The following TXNDC8 variants were observed in gnomAD, a reference collection of about 807,000 sequenced individuals.
TXNDC8 encodes thioredoxin domain-containing protein 8.
Under a neutral mutation model 12.9 loss-of-function variants are expected in TXNDC8, and 15 were observed. The ratio of observed to expected loss-of-function variants is 1.16; its 90% confidence interval spans 0.78 to 1.79. TXNDC8 has a LOEUF of 1.79. Among genes scored for constraint, TXNDC8 ranks in the 40% most tolerant of loss-of-function variants. The probability of loss-of-function intolerance (pLI) is 0.00; values close to 1 mark genes in which losing one functional copy is unlikely to be tolerated. For synonymous variants in TXNDC8, 40 were observed against 35.4 expected (o/e 1.13, Z -0.46); for missense variants, 128 against 113.2 (o/e 1.13, Z -0.59).
chr9:110,323,860 AAGG>A (rs1246495623), intron 3 of TXNDC8: 1 of 1,549,466 alleles, frequency 6.5e-7, no homozygotes, highest in Admixed American at 2.0e-5. Flanking sequence ...AGTGATATCA[AAGG>A]AGAAGGTTAT....
chr9:110,315,872 T>C (rs1838870475), intron 3 of TXNDC8, among the ~76,000 whole-genome samples: 2 of 151,564 alleles, frequency 1.3e-5, no homozygotes, highest in South Asian at 4.2e-4. Context: ...GGGCGCAGGC[T>C]GTAGAAATGT....
At chr9:110,302,355 C>G (rs1350731037), downstream of TXNDC8, among the ~76,000 whole-genome samples, 1 of 152,150 alleles carries the variant, frequency 6.6e-6, no homozygotes, top group African/African-American at 2.4e-5. Context: ...AGGCTGGTCT[C>G]AAACTCCTGG....
At chr9:110,323,981 T>C in intron 3 of TXNDC8, 1 of 1,550,652 alleles carries the variant, frequency 6.4e-7, no homozygotes, top group Non-Finnish European at 8.7e-7. Flanking sequence ...CACTGGTTGG[T>C]GTAGGCCTGG....
intron 1 of TXNDC8, among the ~76,000 whole-genome samples, chr9:110,334,599 C>T (rs1839676957): frequency 6.6e-6 from 1 of 152,110 alleles, no homozygotes; most frequent in African/African-American, 2.4e-5. Context: ...CTCTAGCTGA[C>T]CCCACCTTAA....
intron 3 of TXNDC8, chr9:110,322,744 T>C (rs1587976053): frequency 2.0e-6 from 2 of 985,242 alleles, no homozygotes; most frequent in East Asian, 1.1e-4. Flanking sequence ...CTGAATCAGG[T>C]TGGTACCAGG....
chr9:110,319,892 A>T (rs1329017541), intron 3 of TXNDC8, among the ~76,000 whole-genome samples: 24 of 152,310 alleles, frequency 1.6e-4, no homozygotes, highest in Admixed American at 1.5e-3. Context: ...TTATAATCTC[A>T]GCAAGAGCCC....
intron 3 of TXNDC8, among the ~76,000 whole-genome samples, chr9:110,319,142 A>C (rs1270193067): frequency 1.3e-5 from 2 of 152,182 alleles, no homozygotes; most frequent in Non-Finnish European, 2.9e-5. Flanking sequence ...AACCCCTTTT[A>C]GGGATCTGCA....
intron 2 of TXNDC8, among the ~76,000 whole-genome samples, chr9:110,332,608 A>T (rs766788405): frequency 6.6e-6 from 1 of 152,232 alleles, no homozygotes; most frequent in Non-Finnish European, 1.5e-5. Context: ...ACTTTACAAA[A>T]GTGACCATAA....
Position 110,334,281 on chromosome 9 carries a change from G to A in TXNDC8, c.64C>T (p.Leu22Phe), listed in dbSNP as rs751817702. Reference sequence around the variant, plus strand: ...TTCGAAGAAAATTGAACCACTGCGAGTTTGTGTCCGGCAGCTGTCAAAAAT... The same window carrying A: ...TTCGAAGAAAATTGAACCACTGCGAATTTGTGTCCGGCAGCTGTCAAAAAT... Residue 22 changes from leucine (L) to phenylalanine (F), a missense_variant, in exon 2 of 5, where the codon CTC becomes TTC. Transcript: ENST00000423740. 3 of 1,613,942 alleles carry A rather than the reference G, an allele frequency of 1.9e-6. No individual in the cohort carries two copies. The highest frequency in any genetic ancestry group is 2.2e-5 in the South Asian group (2 of 91,068).
At chr9:110,317,671 C>T (rs1838938015) in intron 3 of TXNDC8, among the ~76,000 whole-genome samples, 2 of 152,258 alleles carry the variant, frequency 1.3e-5, no homozygotes, top group Admixed American at 6.5e-5. Flanking sequence ...AATGTCTAGG[C>T]TTTAAGGGAA....
At chr9:110,314,991 G>A (rs1437141452) in intron 3 of TXNDC8, among the ~76,000 whole-genome samples, 1 of 152,128 alleles carries the variant, frequency 6.6e-6, no homozygotes, top group Non-Finnish European at 1.5e-5. Flanking sequence ...AACCAACTAA[G>A]CTCAATGATC....
chr9:110,306,870 C>T (rs1010964635), intron 3 of TXNDC8, among the ~76,000 whole-genome samples: 1 of 152,078 alleles, frequency 6.6e-6, no homozygotes, highest in Non-Finnish European at 1.5e-5. Flanking sequence ...GCAGTATTAA[C>T]TAATTTTTGT....
At chr9:110,329,454 G>C (rs551801260) in intron 2 of TXNDC8, among the ~76,000 whole-genome samples, 163 bp from the exon 3 acceptor site, 1 of 152,208 alleles carries the variant, frequency 6.6e-6, no homozygotes, top group African/African-American at 2.4e-5. Flanking sequence ...GAAGCATCAA[G>C]TCAAATACCA....
In TXNDC8 at chr9:110,321,959, A is replaced by G. The variant is rs1335284979; in HGVS notation, c.195+4216T>C. Among the ~76,000 whole-genome samples, 3 of 152,190 alleles carry G rather than the reference A, an allele frequency of 2.0e-5. No individual in the cohort carries two copies. The East Asian group carries it at 5.8e-4, about 29-fold the overall frequency. ...TCCTGCAGTCTGAGTCACAAGAGGT[A>G]AACGATTTGTAATACTCTCTCTTTA... is the stretch of plus-strand genomic sequence containing the variant. On this transcript the variant is annotated intron_variant, in intron 3 of 4. Coordinates refer to ENST00000423740, the MANE Select transcript of TXNDC8 (RefSeq NM_001286946.2).
intron 3 of TXNDC8, among the ~76,000 whole-genome samples, chr9:110,308,068 G>T (rs2094402): frequency 0.014 from 2,167 of 152,308 alleles, 49 homozygotes; most frequent in African/African-American, 0.049. Context: ...CAAATCTCCT[G>T]TTGGTGCTTG....
intron 3 of TXNDC8, among the ~76,000 whole-genome samples, chr9:110,310,703 C>T (rs764065891): frequency 6.6e-6 from 1 of 152,142 alleles, no homozygotes; most frequent in Admixed American, 6.5e-5. Flanking sequence ...AACAAGCTAG[C>T]TTTAAAATTA....
At chr9:110,332,693 C>A (rs1166685054) in intron 2 of TXNDC8, among the ~76,000 whole-genome samples, 1 of 151,476 alleles carries the variant, frequency 6.6e-6, no homozygotes, top group Non-Finnish European at 1.5e-5. Context: ...TATGTTATAC[C>A]AAAAATAAAT....
intron 3 of TXNDC8, among the ~76,000 whole-genome samples, chr9:110,321,773 C>T (rs185064056): frequency 2.6e-5 from 4 of 151,248 alleles, no homozygotes; most frequent in African/African-American, 7.3e-5. Context: ...TTTGGCTGGC[C>T]ATCCAAACCT....
At chr9:110,307,109 T>A (rs1838499212) in intron 3 of TXNDC8, among the ~76,000 whole-genome samples, 1 of 151,768 alleles carries the variant, frequency 6.6e-6, no homozygotes, top group South Asian at 2.1e-4. Context: ...ACTGGCTTTT[T>A]TTTTTTTTTA....
Sources: allele counts gnomAD v4.1 joint callset (sites outside exome capture counted in the v4.1 genomes callset), GRCh38; gene constraint gnomAD v4.1.1; transcripts MANE v1.5; gene names NCBI Gene and HGNC (gene_info 2026-07-23, HGNC 2026-07-21).